Variants in KCNJ15 observed in about 807,000 individuals in gnomAD.
KCNJ15 encodes the protein ATP-sensitive inward rectifier potassium channel 15.
In KCNJ15, 14 loss-of-function variants were observed where a neutral mutation model predicts 23.0. That is an observed-to-expected ratio of 0.61 (90% CI 0.40 to 0.95). The LOEUF is 0.95. Ranked by LOEUF, KCNJ15 falls within the 40% of genes least tolerant of loss-of-function variation. The pLI is 0.00. For synonymous variants in KCNJ15, 185 were observed against 183.2 expected, an observed-to-expected ratio of 1.01 and a Z score of -0.08; for missense variants, 388 against 461.8, an observed-to-expected ratio of 0.84 and a Z score of 1.46.
chr21:38,254,709 T>G (rs1366639968), upstream of KCNJ15, among the ~76,000 whole-genome samples: 1 of 152,256 alleles, frequency 6.6e-6, no homozygotes, highest in Admixed American at 6.5e-5. Context: ...GCTCTGTAGC[T>G]GTGTGACTTT....
chr21:38,265,247 A>G (rs926902306), intron 1 of KCNJ15, among the ~76,000 whole-genome samples: 5 of 152,212 alleles, frequency 3.3e-5, no homozygotes, highest in Admixed American at 2.6e-4. Flanking sequence ...ATATTATAGG[A>G]CTAAAACTTG....
chr21:38,237,641 A>G (rs73414726), intron 1 of KCNJ15, among the ~76,000 whole-genome samples: 6,160 of 152,294 alleles, frequency 0.04, 430 homozygotes, highest in African/African-American at 0.14. Flanking sequence ...CAGCCCAGCC[A>G]TCTCGTCTTT....
upstream of KCNJ15, among the ~76,000 whole-genome samples, chr21:38,255,951 A>G (rs1463060886): frequency 6.6e-6 from 1 of 152,220 alleles, no homozygotes; most frequent in Non-Finnish European, 1.5e-5. Context: ...CATGGGAAAC[A>G]GACCGTTTGC....
At chr21:38,288,026 C>CTTTCTTT (rs1171718120) in intron 1 of KCNJ15, among the ~76,000 whole-genome samples, 1 of 78,206 alleles carries the variant, frequency 1.3e-5, no homozygotes, top group African/African-American at 5.1e-5. Flanking sequence ...TTGTTTTTTT[C>CTTTCTTT]TTTGTTTTTT....
intron 1 of KCNJ15, chr21:38,238,584 C>T (rs886969160): frequency 3.9e-5 from 24 of 620,822 alleles, no homozygotes; most frequent in Non-Finnish European, 6.4e-5. Context: ...GGCACACACA[C>T]TTGTCCATCC....
rs768948773 is a variant in KCNJ15, at chr21:38,300,394, A to G, written c.*5A>G. 1.9e-6 allele frequency: 3 copies of G among 1,592,112 alleles called. No individual in the cohort carries two copies. The East Asian group carries it at 6.7e-5, about 36-fold the overall frequency. On this transcript the variant is annotated 3_prime_UTR_variant, in exon 3 of 3. Coordinates refer to ENST00000398938, the MANE Select transcript of KCNJ15 (RefSeq NM_170736.3). The stretch of plus-strand genomic sequence containing the variant: ...TTACAACAGAGCAATGTCTGATCAC[A>G]GGGGCGCCATCCAGGTTTAACCCTG...
At position 38,300,050 on chromosome 21, in the gene KCNJ15, C is replaced by G; in HGVS notation, c.789C>G (p.Pro263=). The G allele has an allele frequency of 6.2e-7, 1 of 1,614,078 alleles. No individual in the cohort carries two copies. The highest frequency in any genetic ancestry group is 8.5e-7 in the Non-Finnish European group (1 of 1,180,000). ...ACCATGTGCTGGATGAGACGAGCCC[C>G]CTGAGAGACCTCACACCCCAAAACC... ...TFYHVLDETS[P]LRDLTPQNLK... The change falls in exon 3 of 3, where the codon CCC becomes CCG. Residue 263 remains proline, a synonymous_variant. Transcript: ENST00000398938.
upstream of KCNJ15, among the ~76,000 whole-genome samples, chr21:38,255,381 T>C (rs1458673073): frequency 1.3e-5 from 2 of 152,252 alleles, no homozygotes; most frequent in Non-Finnish European, 2.9e-5. Context: ...CTGTTTTCTA[T>C]GGGACTTTTA....
At chr21:38,272,829 C>T in intron 1 of KCNJ15, among the ~76,000 whole-genome samples, 1 of 152,142 alleles carries the variant, frequency 6.6e-6, no homozygotes, top group East Asian at 1.9e-4. Context: ...AATATATTAA[C>T]CTTGGCAGGA....
At chr21:38,269,246 C>T (rs1555883279) in intron 1 of KCNJ15, among the ~76,000 whole-genome samples, 3 of 152,110 alleles carry the variant, frequency 2.0e-5, no homozygotes, top group Non-Finnish European at 4.4e-5. Flanking sequence ...CAAAACAAAA[C>T]AAAACTTACT....
Position 38,301,761 on chromosome 21 carries a change from G to A in KCNJ15, c.*1372G>A, listed in dbSNP as rs1779034720. The A allele has an allele frequency of 6.0e-6, 1 of 166,896 alleles. No individual in the cohort carries two copies. Among genetic ancestry groups the A allele is most frequent in the Admixed American group, 6.6e-5 (1 of 15,252 alleles). The allele number at this position is 166,896 out of a possible 1,614,324, so 10.3% of individuals were successfully genotyped here. Reference sequence around the variant, plus strand: ...CATTTTGCCCCGGGCCAAATTCAGGGGTCTAGTGCCCTGCATTCCTTTGAG... The same window carrying A: ...CATTTTGCCCCGGGCCAAATTCAGGAGTCTAGTGCCCTGCATTCCTTTGAG... On this transcript the variant is annotated 3_prime_UTR_variant, in exon 3 of 3. Coordinates refer to ENST00000398938, the MANE Select transcript of KCNJ15 (RefSeq NM_170736.3).
At chr21:38,243,018 C>T (rs1350210593) in intron 1 of KCNJ15, among the ~76,000 whole-genome samples, 1 of 152,190 alleles carries the variant, frequency 6.6e-6, no homozygotes, top group African/African-American at 2.4e-5. Flanking sequence ...CAAGCCCTGC[C>T]TCTCTACCTG....
At chr21:38,253,941 G>A (rs916889652), upstream of KCNJ15, among the ~76,000 whole-genome samples, 3 of 152,008 alleles carry the variant, frequency 2.0e-5, no homozygotes, top group African/African-American at 4.8e-5. Flanking sequence ...TTTTATCTTC[G>A]GCTAAAAGGT....
chr21:38,255,430 G>A (rs1017327800), upstream of KCNJ15, among the ~76,000 whole-genome samples: 16 of 152,256 alleles, frequency 1.1e-4, no homozygotes, highest in East Asian at 3.9e-4. Context: ...TCTAGACTCC[G>A]GGAGTACCAG....
chr21:38,235,900 A>C (rs1478695480), intron 1 of KCNJ15, among the ~76,000 whole-genome samples: 1 of 152,234 alleles, frequency 6.6e-6, no homozygotes, highest in Admixed American at 6.5e-5. Flanking sequence ...AGTGAAATAT[A>C]AAGATAAAAC....
intron 2 of KCNJ15, chr21:38,298,363 G>C (rs1286036341): frequency 6.6e-6 from 1 of 152,150 alleles, no homozygotes; most frequent in Non-Finnish European, 1.5e-5. Context: ...TTCTTCTGCT[G>C]GTTCTGCTTA....
At chr21:38,258,717 C>G (rs1980547721) in intron 1 of KCNJ15, among the ~76,000 whole-genome samples, 1 of 152,228 alleles carries the variant, frequency 6.6e-6, no homozygotes, top group South Asian at 2.1e-4. Flanking sequence ...AAGGAAAACA[C>G]ATTTTTCTAA....
chr21:38,244,725 A>C (rs1321198342), intron 1 of KCNJ15, among the ~76,000 whole-genome samples: 1 of 152,116 alleles, frequency 6.6e-6, no homozygotes. Context: ...CAAGGACTCA[A>C]GTAAGTTGGG....
intron 1 of KCNJ15, among the ~76,000 whole-genome samples, chr21:38,286,533 C>T (rs1042437273): frequency 1.3e-5 from 2 of 152,156 alleles, no homozygotes; most frequent in Non-Finnish European, 2.9e-5. Flanking sequence ...AGGGAATTAG[C>T]TGTGATTTTG....
Sources: allele counts gnomAD v4.1 joint callset (sites outside exome capture counted in the v4.1 genomes callset), GRCh38; gene constraint gnomAD v4.1.1; transcripts MANE v1.5; gene names NCBI Gene and HGNC (gene_info 2026-07-23, HGNC 2026-07-21).